SYT2: variants seen among roughly 807,000 people sequenced by gnomAD.
The protein encoded by SYT2 is synaptotagmin-2.
In SYT2, 15 loss-of-function variants were observed where a neutral mutation model predicts 39.9. The observed-to-expected ratio is 0.38, with a 90% CI of 0.25 to 0.58. SYT2 has a LOEUF of 0.58. Among genes scored for constraint, SYT2 ranks in the 20% least tolerant of loss-of-function variants. The pLI is 0.70. For missense variants in SYT2, 389 were observed against 530.3 expected (o/e 0.73, Z 2.62); for synonymous variants, 181 against 204.5 (o/e 0.89, Z 0.98).
chr1:202,602,610 C>T, intron 4 of SYT2, 65 bp from the exon 5 acceptor site: 5 of 1,511,956 alleles, frequency 3.3e-6, no homozygotes, highest in Non-Finnish European at 4.5e-6. Context: ...CAACTGGCCC[C>T]AGACCCAGCA....
At chr1:202,709,622 G>T (rs1368584033) in intron 1 of SYT2, among the ~76,000 whole-genome samples, 5 of 152,138 alleles carry the variant, frequency 3.3e-5, no homozygotes, top group African/African-American at 1.2e-4. Context: ...GTCGTGCTGA[G>T]TCATGAGATT....
intron 1 of SYT2, chr1:202,632,452 T>A: frequency 1.5e-6 from 1 of 667,336 alleles, no homozygotes; most frequent in Non-Finnish European, 1.9e-6. Context: ...ACAGCAAACC[T>A]GGGAGAAACT....
In SYT2 at chr1:202,628,365, G is replaced by A. The variant is rs996693938; in HGVS notation, c.-17-22576C>T. ...CTGGGGAGCCCAGCCTGCTCTCAGTGGGAGCTGGGAGCCAGCATCCCAGGC... is the reference window on the plus strand; with the variant it reads ...CTGGGGAGCCCAGCCTGCTCTCAGTAGGAGCTGGGAGCCAGCATCCCAGGC... On this transcript the variant is annotated intron_variant, in intron 1 of 8. Transcript: ENST00000367268. The surrounding 1 kb of genome is among the most constrained non-coding windows in gnomAD (Gnocchi z 4.2). Among the ~76,000 whole-genome samples, 2 of 152,132 alleles carry A rather than the reference G, an allele frequency of 1.3e-5. No homozygotes were observed. Among genetic ancestry groups the A allele is most frequent in the African/African-American group, 4.8e-5 (2 of 41,444 alleles).
intron 1 of SYT2, among the ~76,000 whole-genome samples, chr1:202,607,595 C>T (rs1311880253): frequency 6.6e-6 from 1 of 152,136 alleles, no homozygotes; most frequent in East Asian, 1.9e-4. Context: ...GGAGACTGCT[C>T]CAGCCTTAAG....
At chr1:202,705,158 G>A (rs1654216838) in intron 1 of SYT2, among the ~76,000 whole-genome samples, 1 of 152,280 alleles carries the variant, frequency 6.6e-6, no homozygotes, top group Admixed American at 6.5e-5. Flanking sequence ...TGGCCTGGAA[G>A]GCCCCCTGCA....
At chr1:202,661,025 T>A (rs933544602) in intron 1 of SYT2, among the ~76,000 whole-genome samples, 3 of 152,164 alleles carry the variant, frequency 2.0e-5, no homozygotes, top group African/African-American at 7.2e-5. Flanking sequence ...TTATTGAGCA[T>A]CTACTCCACT....
chr1:202,686,554 G>A (rs2149115104), intron 1 of SYT2, among the ~76,000 whole-genome samples: 1 of 152,166 alleles, frequency 6.6e-6, no homozygotes. Context: ...ATGGGGGGTG[G>A]GGGAGCTTCC....
chr1:202,663,762 G>A (rs1363437771), intron 1 of SYT2, among the ~76,000 whole-genome samples: 1 of 152,172 alleles, frequency 6.6e-6, no homozygotes, highest in East Asian at 1.9e-4. Context: ...CTGCAGGGCT[G>A]TGGCAGGCAG....
chr1:202,665,670 C>T (rs1173777873), intron 1 of SYT2, among the ~76,000 whole-genome samples: 3 of 152,166 alleles, frequency 2.0e-5, no homozygotes, highest in Non-Finnish European at 2.9e-5. Context: ...ACACCAGGAT[C>T]TCTTGGGAGG....
intron 1 of SYT2, among the ~76,000 whole-genome samples, chr1:202,680,551 A>G (rs963454516): frequency 6.6e-6 from 1 of 152,146 alleles, no homozygotes; most frequent in African/African-American, 2.4e-5. Flanking sequence ...AAAAAAACCC[A>G]CAACATTATC....
chr1:202,637,017 C>T (rs1691756990), intron 1 of SYT2, among the ~76,000 whole-genome samples: 1 of 152,176 alleles, frequency 6.6e-6, no homozygotes, highest in East Asian at 1.9e-4. Flanking sequence ...TATCCCAAGT[C>T]TCACTAAAAC....
At chr1:202,631,489 C>T (rs1223925076) in intron 1 of SYT2, among the ~76,000 whole-genome samples, 1 of 152,078 alleles carries the variant, frequency 6.6e-6, no homozygotes, top group Non-Finnish European at 1.5e-5. Flanking sequence ...CCCAGCGGCC[C>T]CTCCCCCAAG....
chr1:202,630,611 A>C (rs1691557536), intron 1 of SYT2, among the ~76,000 whole-genome samples: 1 of 152,164 alleles, frequency 6.6e-6, no homozygotes, highest in Admixed American at 6.5e-5. Context: ...ACCACCCTGG[A>C]AAGTGCAGTG....
rs1405361471 is a variant in SYT2 at position 202,603,052 on chromosome 1, C to T, written c.412G>A (p.Glu138Lys). Residue 138 changes from glutamate (E) to lysine (K), a missense_variant, in exon 4 of 9, where the codon GAG becomes AAG. Glu to Lys is a moderately conservative substitution (Grantham distance 56, BLOSUM62 1). This residue lies in a region of SYT2 where 280 missense variants were observed against 335.6 expected (regional missense o/e 0.83). Coordinates refer to ENST00000367268, the MANE Select transcript of SYT2 (RefSeq NM_177402.5). ...GAAAACTGCAGTTTGCCCAGGTTCT[C>T]TGGCTCTTTCTCCTCCTCCCCTTCA... ...EGEGEEEKEPENLGKLQFSLD... is the reference protein window; with the variant it reads ...EGEGEEEKEPKNLGKLQFSLD... 6.2e-7 allele frequency: 1 copy of T among 1,614,000 alleles called. No individual in the cohort carries two copies. Among genetic ancestry groups the T allele is most frequent in the East Asian group, 2.2e-5 (1 of 44,876 alleles).
intron 1 of SYT2, among the ~76,000 whole-genome samples, chr1:202,698,157 A>T (rs189781193): frequency 6.6e-6 from 1 of 151,890 alleles, no homozygotes; most frequent in Non-Finnish European, 1.5e-5. Flanking sequence ...CCCTCTCACC[A>T]CAGGGAATAC....
intron 1 of SYT2, among the ~76,000 whole-genome samples, chr1:202,704,473 G>T (rs1405916108): frequency 1.3e-5 from 2 of 152,164 alleles, no homozygotes; most frequent in Non-Finnish European, 2.9e-5. Flanking sequence ...GGGTGCTCTG[G>T]CTCAGGCTGA....
At chr1:202,709,016 G>A (rs1008590383) in intron 1 of SYT2, among the ~76,000 whole-genome samples, 2 of 152,224 alleles carry the variant, frequency 1.3e-5, no homozygotes, top group African/African-American at 4.8e-5. Context: ...GCCCCGCAGG[G>A]CGGCAGCAGT....
intron 1 of SYT2, among the ~76,000 whole-genome samples, chr1:202,661,860 TATTTC>T (rs1454223362): frequency 6.6e-6 from 1 of 152,228 alleles, no homozygotes; most frequent in African/African-American, 2.4e-5. Context: ...CTAGTACATT[TATTTC>T]ATTAATGCAC....
chr1:202,696,293 C>A (rs146407491), intron 1 of SYT2, among the ~76,000 whole-genome samples: 2 of 152,182 alleles, frequency 1.3e-5, no homozygotes, highest in African/African-American at 4.8e-5. Context: ...TGCACACACC[C>A]CTGGCAGTGC....
Sources: gnomAD v4.1 joint callset for allele counts (sites outside exome capture counted in the v4.1 genomes callset) on GRCh38, gnomAD v4.1.1 for gene constraint, gnomAD v4.1.1 regional missense constraint, Gnocchi (gnomAD v3.1) non-coding constraint, MANE v1.5 for transcripts, NCBI Gene and HGNC (gene_info 2026-07-23, HGNC 2026-07-21) for gene names.